REV1: variants seen among roughly 807,000 people sequenced by gnomAD.
REV1 encodes translesion synthesis protein REV1.
Under a neutral mutation model 137.4 loss-of-function variants are expected in REV1, and 42 were observed. The observed-to-expected ratio is 0.31, with a 90% confidence interval of 0.24 to 0.40. The LOEUF (loss-of-function observed/expected upper bound fraction) is 0.40, where lower values mean the gene tolerates loss of function less well. Among genes scored for constraint, REV1 ranks in the 10% least tolerant of loss-of-function variants. REV1 has a pLI of 1.00. For synonymous variants in REV1, 524 were observed against 519.2 expected, an observed-to-expected ratio of 1.01 and a Z score of -0.12; for missense variants, 1,282 against 1,490.1, an observed-to-expected ratio of 0.86 and a Z score of 2.30.
At chr2:99,479,666 C>T (rs1034469532) in intron 1 of REV1, among the ~76,000 whole-genome samples, 1 of 151,882 alleles carries the variant, frequency 6.6e-6, no homozygotes, top group Non-Finnish European at 1.5e-5. Flanking sequence ...GGCATGGTGG[C>T]ACACACCTGT....
chr2:99,435,889 A>G lies in REV1; in HGVS notation c.1266T>C (p.Val422=). The G allele has an allele frequency of 6.2e-7, 1 of 1,609,266 alleles. No individual in the cohort carries two copies. The stretch of plus-strand genomic sequence containing the variant: ...CTGATACAAAGAAGCAATCCATATC[A>G]ACATGCATTATACAGCTCTGATGTC... ...SPRHQSCIMH[V]DMDCFFVSVG... The change falls in exon 7 of 23, where the codon GTT becomes GTC. Residue 422 remains valine (V), a synonymous_variant. Coordinates refer to ENST00000258428, the MANE Select transcript of REV1 (RefSeq NM_016316.4).
At chr2:99,485,086 G>A (rs1039833013) in intron 1 of REV1, among the ~76,000 whole-genome samples, 3 of 152,112 alleles carry the variant, frequency 2.0e-5, no homozygotes, top group African/African-American at 7.2e-5. Flanking sequence ...TACACCTAGG[G>A]TTTAGGATCC....
chr2:99,445,550 CA>C (rs991295213), intron 4 of REV1, among the ~76,000 whole-genome samples: 11 of 152,160 alleles, frequency 7.2e-5, no homozygotes, highest in African/African-American at 2.4e-4. Context: ...AATTATGCTC[CA>C]TGACACTCCT....
intron 2 of REV1, among the ~76,000 whole-genome samples, chr2:99,464,433 G>A (rs6748200): frequency 0.26 from 39,867 of 152,040 alleles, 5,351 homozygotes; most frequent in Admixed American, 0.34. Flanking sequence ...ACTTTGGGGT[G>A]TTGTTTTCAA....
At chr2:99,447,742 G>C (rs1416521952) in intron 4 of REV1, among the ~76,000 whole-genome samples, 1 of 150,152 alleles carries the variant, frequency 6.7e-6, no homozygotes, top group African/African-American at 2.5e-5. Context: ...TTTTTCCTGA[G>C]ACGGAGTCTT....
At chr2:99,444,614 G>A (rs565223347) in intron 4 of REV1, among the ~76,000 whole-genome samples, 1 of 152,246 alleles carries the variant, frequency 6.6e-6, no homozygotes, top group South Asian at 2.1e-4. Flanking sequence ...GATATCCTCA[G>A]AGATACTCAA....
In REV1 at chr2:99,448,944, T is replaced by C. The variant is rs78271364; in HGVS notation, c.350+392A>G. Among the ~76,000 whole-genome samples, 770 of 152,318 alleles carry C rather than the reference T, an allele frequency of 5.1e-3. 11 individuals carry two copies. Among genetic ancestry groups the C allele is most frequent in the African/African-American group, 0.018 (731 of 41,576 alleles). On this transcript the variant is annotated intron_variant, in intron 4 of 22. Coordinates refer to ENST00000258428, the MANE Select transcript of REV1 (RefSeq NM_016316.4). ...TAAACGGTAGTGTTGTTTAAGACAT[T>C]ATTTTTCACCCTGTCAATCAGGAGG...
chr2:99,481,738 G>A (rs1361200423), intron 1 of REV1, among the ~76,000 whole-genome samples: 1 of 152,038 alleles, frequency 6.6e-6, no homozygotes, highest in African/African-American at 2.4e-5. Context: ...GTGCGGTGGT[G>A]TGTGCCTGTA....
chr2:99,432,081 A>G, intron 8 of REV1: 1 of 190,556 alleles, frequency 5.2e-6, no homozygotes. Flanking sequence ...AAAAGGCCCC[A>G]ACCATGAAAT....
intron 14 of REV1, among the ~76,000 whole-genome samples, chr2:99,410,429 G>T (rs953546434): frequency 2.6e-5 from 4 of 152,194 alleles, no homozygotes; most frequent in African/African-American, 4.8e-5. Context: ...TGTCCATGCA[G>T]TAAAGTTAAC....
At chr2:99,471,901 A>C (rs1333829659) in intron 1 of REV1, among the ~76,000 whole-genome samples, 14 of 151,698 alleles carry the variant, frequency 9.2e-5, no homozygotes, top group African/African-American at 2.9e-4. Context: ...AAAAAAAAAA[A>C]AAAAAAAAAA....
chr2:99,418,204 T>C (rs939620981), intron 12 of REV1, among the ~76,000 whole-genome samples: 1 of 152,206 alleles, frequency 6.6e-6, no homozygotes, highest in African/African-American at 2.4e-5. Flanking sequence ...TGGAAGACTT[T>C]ACAAAGCTGA....
intron 3 of REV1, among the ~76,000 whole-genome samples, chr2:99,460,049 T>C (rs1684005078): frequency 6.6e-6 from 1 of 152,216 alleles, no homozygotes; most frequent in African/African-American, 2.4e-5. Context: ...AACTGTTCAC[T>C]GGAATGAAGT....
chr2:99,462,145 C>T (rs548122155), intron 3 of REV1, among the ~76,000 whole-genome samples: 1 of 152,250 alleles, frequency 6.6e-6, no homozygotes, highest in East Asian at 1.9e-4. Context: ...CCACACACCA[C>T]CCCACCCTAA....
At chr2:99,444,618 TACTC>T (rs1681956264) in intron 4 of REV1, among the ~76,000 whole-genome samples, 1 of 152,310 alleles carries the variant, frequency 6.6e-6, no homozygotes, top group South Asian at 2.1e-4. Context: ...TCCTCAGAGA[TACTC>T]AATAAAAAGA....
intron 1 of REV1, among the ~76,000 whole-genome samples, chr2:99,474,921 G>GAAGA: frequency 1.3e-5 from 2 of 150,910 alleles, no homozygotes; most frequent in East Asian, 3.9e-4. Context: ...AAAAAAAAAA[G>GAAGA]AAGTAGAGAT....
chr2:99,459,609 G>A (rs1480630759), intron 3 of REV1, among the ~76,000 whole-genome samples: 3 of 152,032 alleles, frequency 2.0e-5, no homozygotes, highest in Non-Finnish European at 2.9e-5. Flanking sequence ...GGGAGCCTGA[G>A]GAGAGAGGAT....
intron 3 of REV1, among the ~76,000 whole-genome samples, chr2:99,451,066 C>T (rs1024429012): frequency 6.6e-5 from 10 of 152,158 alleles, no homozygotes; most frequent in African/African-American, 2.4e-4. Context: ...AGTCAGGAAT[C>T]TACAGTTCAG....
At position 99,485,325 on chromosome 2, in the gene REV1, AAAAT is replaced by A. The variant is rs561385235; in HGVS notation, c.-11+4488_-11+4491del. ...CTCTTATTTCTGTATCTGCTAAAGA[AAAAT>A]AAATCATTATGAAAAGAACAGAAAG... On this transcript the variant is annotated intron_variant, in intron 1 of 22. Transcript: ENST00000258428. Among the ~76,000 whole-genome samples, 640 of 152,380 alleles carry A rather than the reference AAAAT, an allele frequency of 4.2e-3. 8 individuals carry two copies. Among genetic ancestry groups the A allele is most frequent in the African/African-American group, 0.015 (610 of 41,580 alleles).
Sources: allele counts gnomAD v4.1 joint callset (sites outside exome capture counted in the v4.1 genomes callset), GRCh38; gene constraint gnomAD v4.1.1; transcripts MANE v1.5; gene names NCBI Gene and HGNC (gene_info 2026-07-23, HGNC 2026-07-21).